Variants in SLCO3A1 observed in about 807,000 individuals in gnomAD.
SLCO3A1 encodes the protein PGE1 transporter.
Under a neutral mutation model 63.1 loss-of-function variants are expected in SLCO3A1, and 27 were observed. The ratio of observed to expected loss-of-function variants is 0.43; its 90% CI spans 0.32 to 0.59. The LOEUF is 0.59. Among genes scored for constraint, SLCO3A1 ranks in the 20% least tolerant of loss-of-function variants. SLCO3A1 has a pLI of 0.09. For missense variants in SLCO3A1, 773 were observed against 945.8 expected (o/e 0.82, Z 2.40); for synonymous variants, 473 against 409.9 (o/e 1.15, Z -1.86).
At chr15:91,998,095 G>A (rs895816208) in intron 2 of SLCO3A1, among the ~76,000 whole-genome samples, 4 of 152,138 alleles carry the variant, frequency 2.6e-5, no homozygotes, top group East Asian at 1.9e-4. Flanking sequence ...CTATGCATTC[G>A]ACAAAGGTCT....
intron 2 of SLCO3A1, among the ~76,000 whole-genome samples, chr15:91,931,812 C>CACACACAT (rs1372442349): frequency 1.5e-4 from 23 of 151,926 alleles, no homozygotes; most frequent in Non-Finnish European, 3.4e-4. Flanking sequence ...CACACACACA[C>CACACACAT]ACACACACAC....
intron 2 of SLCO3A1, among the ~76,000 whole-genome samples, chr15:92,022,266 GGTACA>G (rs2046518461): frequency 1.3e-5 from 2 of 152,152 alleles, no homozygotes; most frequent in Admixed American, 1.3e-4. Context: ...TGCTGACTTA[GGTACA>G]GTATGTGGAT....
intron 2 of SLCO3A1, among the ~76,000 whole-genome samples, chr15:92,036,895 G>A (rs888318972): frequency 3.9e-5 from 6 of 152,192 alleles, no homozygotes; most frequent in African/African-American, 1.2e-4. Context: ...TTCTGAAGCT[G>A]TTTTGGTTAA....
intron 1 of SLCO3A1, among the ~76,000 whole-genome samples, chr15:91,878,249 A>G (rs1011733778): frequency 1.3e-5 from 2 of 151,774 alleles, no homozygotes. Flanking sequence ...CCACACCTGG[A>G]TAATTTTTGT....
Position 91,943,303 on chromosome 15 carries a change from C to A in SLCO3A1, c.646+26845C>A, listed in dbSNP as rs1202647841. ...CTTCTGTCTCTGTGAGTCTTGCTAT[C>A]CTAGTTACCTCCTGGAAGTGGAACC... On this transcript the variant is annotated intron_variant, in intron 2 of 9. Transcript: ENST00000318445. Among the ~76,000 whole-genome samples the A allele has an allele frequency of 6.6e-5, 10 of 152,286 alleles. No individual in the cohort carries two copies. The East Asian group carries it at 1.9e-3, about 29-fold the overall frequency.
chr15:92,020,790 T>G (rs1326546947), intron 2 of SLCO3A1, among the ~76,000 whole-genome samples: 2 of 152,232 alleles, frequency 1.3e-5, no homozygotes, highest in Non-Finnish European at 2.9e-5. Context: ...GGTGGAGAAT[T>G]TACCCAATCC....
Position 92,026,220 on chromosome 15 carries a change from G to C in SLCO3A1, c.647-68661G>C, listed in dbSNP as rs528645581. On this transcript the variant is annotated intron_variant, in intron 2 of 9. Coordinates refer to ENST00000318445, the MANE Select transcript of SLCO3A1 (RefSeq NM_013272.4). ...AGGCAAGCAGAGGAACTGCAGTCTT[G>C]GGTGTGACCTCCCAATTTGACTACT... 3.3e-5 allele frequency among the ~76,000 whole-genome samples: 5 copies of C among 152,278 alleles called. No individual in the cohort carries two copies. The South Asian group carries it at 1.0e-3, about 32-fold the overall frequency.
At chr15:91,919,759 T>C (rs1030094341) in intron 2 of SLCO3A1, among the ~76,000 whole-genome samples, 11 of 148,852 alleles carry the variant, frequency 7.4e-5, no homozygotes, top group South Asian at 4.3e-4. Flanking sequence ...GTTGCCCCCC[T>C]TTTTTTTTTC....
At chr15:92,028,275 G>A (rs1238290808) in intron 2 of SLCO3A1, among the ~76,000 whole-genome samples, 3 of 152,124 alleles carry the variant, frequency 2.0e-5, no homozygotes, top group African/African-American at 7.2e-5. Flanking sequence ...GGATGGTTGA[G>A]TCCAAATCCG....
Position 92,164,524 on chromosome 15 carries a change from A to T in SLCO3A1, c.*1389A>T. 1.0e-6 allele frequency: 1 copy of T among 985,420 alleles called. No homozygotes were observed. Among genetic ancestry groups the T allele is most frequent in the Non-Finnish European group, 1.2e-6 (1 of 829,938 alleles). The allele number at this position is 985,420 out of a possible 1,614,324, so 61.0% of individuals were successfully genotyped here. ...TTCAGCCTGTGGAGGAGACACTCTTAGATGTGGGTTTGTGTGTATGGGTGC... is the reference window on the plus strand; with the variant it reads ...TTCAGCCTGTGGAGGAGACACTCTTTGATGTGGGTTTGTGTGTATGGGTGC... On this transcript the variant is annotated 3_prime_UTR_variant, in exon 10 of 10. Coordinates refer to ENST00000318445, the MANE Select transcript of SLCO3A1 (RefSeq NM_013272.4).
intron 1 of SLCO3A1, among the ~76,000 whole-genome samples, chr15:91,913,284 C>G (rs1898541258): frequency 6.6e-6 from 1 of 152,240 alleles, no homozygotes; most frequent in Non-Finnish European, 1.5e-5. Flanking sequence ...TGTCATAACC[C>G]TGCTCTGCAG....
At chr15:92,114,781 G>T (rs185950) in intron 4 of SLCO3A1, among the ~76,000 whole-genome samples, 109,551 of 151,958 alleles carry the variant, frequency 0.72, 41,180 homozygotes, top group East Asian at 0.94. Context: ...ATAGATTCAA[G>T]TCCCCACAAA....
chr15:91,916,984 G>A lies in SLCO3A1; in HGVS notation c.646+526G>A, dbSNP rs1312582619. ...TGCATGGGAATTGGGTATGTAGAGAGAAATAAGGTATTTGTGTTTTGAAAA... is the reference window on the plus strand; with the variant it reads ...TGCATGGGAATTGGGTATGTAGAGAAAAATAAGGTATTTGTGTTTTGAAAA... On this transcript the variant is annotated intron_variant, in intron 2 of 9. Transcript: ENST00000318445. The surrounding 1 kb of genome is among the most constrained non-coding windows in gnomAD (Gnocchi z 6.2). Among the ~76,000 whole-genome samples, 2 of 152,222 alleles carry A rather than the reference G, an allele frequency of 1.3e-5. No homozygotes were observed. The highest frequency in any genetic ancestry group is 2.4e-5 in the African/African-American group (1 of 41,452).
intron 2 of SLCO3A1, among the ~76,000 whole-genome samples, chr15:91,972,267 G>C (rs1423964257): frequency 6.6e-6 from 1 of 152,130 alleles, no homozygotes; most frequent in African/African-American, 2.4e-5. Context: ...TGGGAGATGA[G>C]GGTGCTGACA....
At chr15:91,873,023 A>G (rs1897315835) in intron 1 of SLCO3A1, among the ~76,000 whole-genome samples, 2 of 152,214 alleles carry the variant, frequency 1.3e-5, no homozygotes, top group Non-Finnish European at 1.5e-5. Flanking sequence ...ACTCAAACAC[A>G]TGGGCCATTA....
intron 2 of SLCO3A1, among the ~76,000 whole-genome samples, chr15:91,996,392 A>C (rs1446441068): frequency 6.6e-6 from 1 of 152,170 alleles, no homozygotes; most frequent in Non-Finnish European, 1.5e-5. Flanking sequence ...GGGATGATTC[A>C]GTATCATAAA....
At chr15:91,986,176 G>A (rs903564470) in intron 2 of SLCO3A1, among the ~76,000 whole-genome samples, 6 of 152,126 alleles carry the variant, frequency 3.9e-5, no homozygotes, top group Admixed American at 1.3e-4. Flanking sequence ...CACCATGCTC[G>A]GCCTATATTT....
chr15:91,901,551 C>T (rs921810320), intron 1 of SLCO3A1, among the ~76,000 whole-genome samples: 7 of 152,092 alleles, frequency 4.6e-5, no homozygotes, highest in Non-Finnish European at 7.4e-5. Context: ...CAGTGAATCC[C>T]CCAAGTCTCT....
At chr15:92,151,224 C>CG in intron 9 of SLCO3A1, 1 of 499,948 alleles carries the variant, frequency 2.0e-6, no homozygotes. Context: ...TTTATACCAA[C>CG]TCTTATCTTC....
Sources: gnomAD v4.1 joint callset for allele counts (sites outside exome capture counted in the v4.1 genomes callset) on GRCh38, gnomAD v4.1.1 for gene constraint, Gnocchi (gnomAD v3.1) non-coding constraint, MANE v1.5 for transcripts, NCBI Gene and HGNC (gene_info 2026-07-23, HGNC 2026-07-21) for gene names.